Variants in UNC13C observed in about 807,000 individuals in gnomAD.
The protein encoded by UNC13C is protein unc-13 homolog C.
A neutral mutation model predicts 245.4 loss-of-function variants in UNC13C; 174 were observed. The ratio of observed to expected loss-of-function variants is 0.71; its 90% confidence interval spans 0.63 to 0.80. The LOEUF is 0.80. Among genes scored for constraint, UNC13C ranks in the 30% least tolerant of loss-of-function variants. The pLI, the probability that UNC13C is intolerant of heterozygous loss-of-function variation, is 0.00. For missense variants in UNC13C, 2,829 were observed against 2,602.9 expected, an observed-to-expected ratio of 1.09 and a Z score of -1.89; for synonymous variants, 992 against 895.1, an observed-to-expected ratio of 1.11 and a Z score of -1.93.
chr15:53,977,117 G>T (rs1893734361), upstream of UNC13C, among the ~76,000 whole-genome samples: 1 of 152,164 alleles, frequency 6.6e-6, no homozygotes, highest in East Asian at 1.9e-4. Flanking sequence ...ACCTTGAGCA[G>T]CTGCTCAGGT....
Position 54,503,362 on chromosome 15 carries a change from G to A in UNC13C, c.5301+2384G>A, listed in dbSNP as rs568108079. 7.7e-3 allele frequency among the ~76,000 whole-genome samples: 1,168 copies of A among 151,342 alleles called. 6 individuals are homozygous for A. Among genetic ancestry groups the A allele is most frequent in the Non-Finnish European group, 0.012 (822 of 67,862 alleles). On this transcript the variant is annotated intron_variant, in intron 22 of 32. Coordinates refer to ENST00000260323, the MANE Select transcript of UNC13C (RefSeq NM_001080534.3). Reference sequence around the variant, plus strand: ...TACTATACAGAATAATAAATAAAAAGCAAAATCAATTAAACATAAATATAA... The same window carrying A: ...TACTATACAGAATAATAAATAAAAAACAAAATCAATTAAACATAAATATAA...
At chr15:54,223,632 AT>A (rs1182876415) in intron 4 of UNC13C, among the ~76,000 whole-genome samples, 1 of 151,848 alleles carries the variant, frequency 6.6e-6, no homozygotes, top group African/African-American at 2.4e-5. Flanking sequence ...TTGCAATTCC[AT>A]TTAAATTTTA....
chr15:54,623,486 C>G (rs773743247), intron 31 of UNC13C, among the ~76,000 whole-genome samples: 47 of 152,110 alleles, frequency 3.1e-4, no homozygotes, highest in Non-Finnish European at 6.2e-4. Flanking sequence ...ATGAGCATAT[C>G]TTCATGTTCA....
intron 19 of UNC13C, among the ~76,000 whole-genome samples, chr15:54,471,602 A>C (rs1892465291): frequency 6.6e-6 from 1 of 151,638 alleles, no homozygotes; most frequent in South Asian, 2.1e-4. Flanking sequence ...AAAAGACCTA[A>C]CTATATGCTA....
intron 30 of UNC13C, among the ~76,000 whole-genome samples, chr15:54,576,685 C>T (rs1897968323): frequency 6.6e-6 from 1 of 152,200 alleles, no homozygotes; most frequent in Admixed American, 6.5e-5. Flanking sequence ...GACATTGCTG[C>T]ATTGCTCTGT....
chr15:54,611,253 T>C (rs774776042), intron 30 of UNC13C, among the ~76,000 whole-genome samples: 7 of 152,174 alleles, frequency 4.6e-5, no homozygotes, highest in African/African-American at 7.2e-5. Context: ...TTGTTTACAA[T>C]TGATAGAACA....
In UNC13C at chr15:54,013,087, A is replaced by C. The variant is rs747931710; in HGVS notation, c.184A>C (p.Thr62Pro). 1 of 1,613,790 alleles carries C rather than the reference A, an allele frequency of 6.2e-7. No homozygotes were observed. Residue 62 changes from threonine (T) to proline (P), a missense_variant, in exon 2 of 33, where the codon ACT (threonine) becomes CCT (proline). Thr to Pro is a conservative substitution (Grantham distance 38). Coordinates refer to ENST00000260323, the MANE Select transcript of UNC13C (RefSeq NM_001080534.3). ...CAAATTTTCTTACACTTTTAAAAGC[A>C]CTGTAAAGAAGATTGCAAAGTGTTC... is the stretch of plus-strand genomic sequence containing the variant. ...SPKFSYTFKS[T>P]VKKIAKCSST...
intron 8 of UNC13C, among the ~76,000 whole-genome samples, chr15:54,253,411 T>G (rs1287367509): frequency 6.6e-6 from 1 of 152,174 alleles, no homozygotes; most frequent in East Asian, 1.9e-4. Context: ...TTTACCACCT[T>G]CTTGGCCCAA....
chr15:54,391,636 A>T (rs1027035719), intron 17 of UNC13C, among the ~76,000 whole-genome samples: 1 of 152,078 alleles, frequency 6.6e-6, no homozygotes, highest in Admixed American at 6.6e-5. Context: ...TGGATATTTG[A>T]AGTATTTTGT....
chr15:54,206,253 C>G (rs569278071), intron 4 of UNC13C, among the ~76,000 whole-genome samples: 1 of 152,014 alleles, frequency 6.6e-6, no homozygotes, highest in Non-Finnish European at 1.5e-5. Flanking sequence ...GCACTAGTCA[C>G]TTACAACCCA....
At chr15:53,908,255 A>G in the UNC13C span, among the ~76,000 whole-genome samples, 1 of 146,056 alleles carries the variant, frequency 6.8e-6, no homozygotes, top group Non-Finnish European at 1.5e-5. Context: ...TGTTTGTCCT[A>G]TTTTTACCCT....
chr15:54,095,276 C>T (rs1297309442), intron 2 of UNC13C, among the ~76,000 whole-genome samples: 2 of 152,134 alleles, frequency 1.3e-5, no homozygotes, highest in Admixed American at 6.5e-5. Flanking sequence ...GACATTCTCC[C>T]TAGGCTTAAT....
intron 19 of UNC13C, among the ~76,000 whole-genome samples, chr15:54,444,772 A>G (rs1890714633): frequency 6.6e-6 from 1 of 151,050 alleles, no homozygotes; most frequent in Admixed American, 6.6e-5. Context: ...CAGGTGTAGA[A>G]CTGGCTTAAG....
chr15:54,285,399 G>A (rs2037118097), intron 10 of UNC13C, among the ~76,000 whole-genome samples: 1 of 152,056 alleles, frequency 6.6e-6, no homozygotes, highest in African/African-American at 2.4e-5. Flanking sequence ...ATAGTGTTAG[G>A]GATCTTCATG....
chr15:54,216,521 G>A (rs927584249), intron 4 of UNC13C, among the ~76,000 whole-genome samples: 2 of 151,892 alleles, frequency 1.3e-5, no homozygotes, highest in South Asian at 4.1e-4. Flanking sequence ...TTGACAGCCA[G>A]TGTGTTCCAG....
intron 17 of UNC13C, among the ~76,000 whole-genome samples, chr15:54,342,420 C>T (rs1432272977): frequency 6.6e-6 from 1 of 151,518 alleles, no homozygotes; most frequent in Non-Finnish European, 1.5e-5. Flanking sequence ...TTTTAATTAG[C>T]TGTGTATGGT....
intron 4 of UNC13C, among the ~76,000 whole-genome samples, chr15:54,220,304 G>A (rs2035182750): frequency 1.3e-5 from 2 of 150,078 alleles, no homozygotes; most frequent in Admixed American, 6.6e-5. Flanking sequence ...TAGGGACATG[G>A]ATGAAATTGG....
intron 19 of UNC13C, among the ~76,000 whole-genome samples, chr15:54,491,851 G>A (rs369315369): frequency 3.3e-5 from 5 of 151,994 alleles, no homozygotes; most frequent in East Asian, 3.9e-4. Context: ...TTAGCCGGGC[G>A]TGGTAGCGGG....
At chr15:54,110,425 C>T (rs1231510056) in intron 2 of UNC13C, among the ~76,000 whole-genome samples, 2 of 152,098 alleles carry the variant, frequency 1.3e-5, no homozygotes, top group South Asian at 4.1e-4. Context: ...TTTGTTAGGT[C>T]AAATGAGATC....
Sources: allele counts gnomAD v4.1 joint callset (sites outside exome capture counted in the v4.1 genomes callset), GRCh38; gene constraint gnomAD v4.1.1; transcripts MANE v1.5; gene names NCBI Gene and HGNC (gene_info 2026-07-23, HGNC 2026-07-21).